Variants in PLXDC2 observed in about 807,000 individuals in gnomAD.
PLXDC2 encodes the protein plexin domain containing 2, also known as plexin domain-containing protein 2.
In PLXDC2, 40 loss-of-function variants were observed where a neutral mutation model predicts 68.9. The ratio of observed to expected loss-of-function variants is 0.58; its 90% CI spans 0.45 to 0.76. The LOEUF (loss-of-function observed/expected upper bound fraction) is 0.76, where lower values mean the gene tolerates loss of function less well. PLXDC2 is among the 30% of genes least tolerant of loss of function. The pLI is 0.00. For missense variants in PLXDC2, 644 were observed against 661.9 expected (o/e 0.97, Z 0.30); for synonymous variants, 243 against 234.2 (o/e 1.04, Z -0.34).
chr10:20,139,796 T>C (rs112237295), intron 4 of PLXDC2, among the ~76,000 whole-genome samples: 4,368 of 148,240 alleles, frequency 0.029, 87 homozygotes, highest in South Asian at 0.075. Context: ...TAAGTGGGAG[T>C]TGAGCAATGA....
chr10:19,995,168 C>T (rs887944627), intron 1 of PLXDC2, among the ~76,000 whole-genome samples: 1 of 152,016 alleles, frequency 6.6e-6, no homozygotes, highest in Non-Finnish European at 1.5e-5. Context: ...ATCAGTGGTC[C>T]CCAAGACTAC....
chr10:19,862,682 C>G (rs1171232849), intron 1 of PLXDC2, among the ~76,000 whole-genome samples: 5 of 152,224 alleles, frequency 3.3e-5, no homozygotes, highest in Non-Finnish European at 7.3e-5. Context: ...GCAACAGCTA[C>G]TCATTTTTCT....
At chr10:20,149,229 C>CTTTTTTTTTTTTTTTTTTTTTTTTTTTTT (rs71200986) in intron 6 of PLXDC2, among the ~76,000 whole-genome samples, 1 of 34,926 alleles carries the variant, frequency 2.9e-5, no homozygotes, top group African/African-American at 1.2e-4. Context: ...TTTTTCTTTT[C>CTTTTTTTTTTTTTTTTTTTTTTTTTTTTT]TTTTTTTTTT....
intron 3 of PLXDC2, among the ~76,000 whole-genome samples, chr10:20,049,934 A>T (rs1004508498): frequency 6.6e-6 from 1 of 152,070 alleles, no homozygotes; most frequent in Non-Finnish European, 1.5e-5. Flanking sequence ...CAAAGCTGGA[A>T]GCATCACACT....
intron 1 of PLXDC2, among the ~76,000 whole-genome samples, chr10:19,908,753 A>G (rs1833215400): frequency 6.6e-6 from 1 of 151,980 alleles, no homozygotes; most frequent in Non-Finnish European, 1.5e-5. Flanking sequence ...TCTTGAGACT[A>G]CATCACACAG....
intron 1 of PLXDC2, among the ~76,000 whole-genome samples, chr10:19,884,083 G>T (rs1217449668): frequency 6.7e-6 from 1 of 149,486 alleles, no homozygotes; most frequent in Non-Finnish European, 1.5e-5. Flanking sequence ...TTTTTGTAGA[G>T]ATGGGGTTTT....
At chr10:20,153,393 G>T (rs1834176116) in intron 6 of PLXDC2, among the ~76,000 whole-genome samples, 1 of 152,208 alleles carries the variant, frequency 6.6e-6, no homozygotes, top group Admixed American at 6.5e-5. Context: ...TGGGAAAAGT[G>T]TTGTTGGGTT....
chr10:20,143,216 A>C, intron 4 of PLXDC2, 79 bp from the exon 5 acceptor site: 2 of 1,401,592 alleles, frequency 1.4e-6, no homozygotes, highest in Non-Finnish European at 2.0e-6. Flanking sequence ...ATATGACTGT[A>C]ATTGAGTTGG....
At chr10:20,093,959 C>T (rs1229503898) in intron 4 of PLXDC2, among the ~76,000 whole-genome samples, 1 of 152,182 alleles carries the variant, frequency 6.6e-6, no homozygotes, top group African/African-American at 2.4e-5. Context: ...AGGCATGAGC[C>T]ACCATGCCTG....
intron 2 of PLXDC2, among the ~76,000 whole-genome samples, chr10:20,012,002 A>G (rs1164743105): frequency 1.3e-5 from 2 of 152,202 alleles, no homozygotes; most frequent in Admixed American, 6.5e-5. Flanking sequence ...CTGTAATTGT[A>G]TGGTGGCAAC....
chr10:20,247,688 T>C (rs1166084390), intron 13 of PLXDC2, among the ~76,000 whole-genome samples: 3 of 152,224 alleles, frequency 2.0e-5, no homozygotes, highest in Non-Finnish European at 2.9e-5. Context: ...GAGTCCAGTA[T>C]GCGCATGATT....
intron 9 of PLXDC2, among the ~76,000 whole-genome samples, chr10:20,200,550 AC>A (rs372919514): frequency 9.7e-4 from 148 of 152,044 alleles, no homozygotes; most frequent in African/African-American, 3.5e-3. Flanking sequence ...ATTGCAACAA[AC>A]GAAAAAGCTT....
In PLXDC2 at chr10:20,003,785, T is replaced by G. The variant is rs1034074283; in HGVS notation, c.324+1799T>G. 5.3e-5 allele frequency among the ~76,000 whole-genome samples: 8 copies of G among 152,182 alleles called. No individual in the cohort carries two copies. In the East Asian group the frequency reaches 1.5e-3, roughly 29 times the overall value. The stretch of plus-strand genomic sequence containing the variant: ...AGGAACATCTTTGGCTTTTGATGGT[T>G]GGTCCTGAGAGTGGTATGAAGACAA... On this transcript the variant is annotated intron_variant, in intron 2 of 13. Transcript: ENST00000377252.
intron 4 of PLXDC2, among the ~76,000 whole-genome samples, chr10:20,088,133 C>G (rs1052961113): frequency 6.6e-6 from 1 of 152,098 alleles, no homozygotes; most frequent in Non-Finnish European, 1.5e-5. Context: ...GCACTAGAGA[C>G]CTAAGCAGCC....
At chr10:19,935,660 T>C (rs908735639) in intron 1 of PLXDC2, among the ~76,000 whole-genome samples, 2 of 152,202 alleles carry the variant, frequency 1.3e-5, no homozygotes, top group Non-Finnish European at 2.9e-5. Flanking sequence ...CACTGATGCA[T>C]TGACCTGCCT....
chr10:19,930,130 C>G (rs908791965), intron 1 of PLXDC2, among the ~76,000 whole-genome samples: 1 of 152,002 alleles, frequency 6.6e-6, no homozygotes, highest in Non-Finnish European at 1.5e-5. Flanking sequence ...CCCAAATTCC[C>G]TTAATGTCAT....
chr10:19,925,336 G>C (rs971273895), intron 1 of PLXDC2, among the ~76,000 whole-genome samples: 3 of 152,166 alleles, frequency 2.0e-5, no homozygotes, highest in Non-Finnish European at 4.4e-5. Context: ...GGACAGTTTT[G>C]AAAGACATAT....
chr10:19,967,273 C>T (rs1834279325), intron 1 of PLXDC2, among the ~76,000 whole-genome samples: 1 of 152,100 alleles, frequency 6.6e-6, no homozygotes, highest in Non-Finnish European at 1.5e-5. Flanking sequence ...TTAGCATTCT[C>T]ATATTGGGCT....
chr10:20,242,361 C>T (rs1835527920), intron 12 of PLXDC2, among the ~76,000 whole-genome samples: 1 of 152,102 alleles, frequency 6.6e-6, no homozygotes, highest in Non-Finnish European at 1.5e-5. Context: ...TCTCAATATT[C>T]ATTAAGTGCT....
Sources: allele counts gnomAD v4.1 joint callset (sites outside exome capture counted in the v4.1 genomes callset), GRCh38; gene constraint gnomAD v4.1.1; transcripts MANE v1.5; gene names NCBI Gene and HGNC (gene_info 2026-07-23, HGNC 2026-07-21).